ACAD10: variants seen among roughly 807,000 people sequenced by gnomAD.
The protein encoded by ACAD10 is ACAD-10.
Under a neutral mutation model 116.8 loss-of-function variants are expected in ACAD10, and 112 were observed. That is an observed-to-expected ratio of 0.96 (90% CI 0.82 to 1.12). The LOEUF is 1.12. ACAD10 is among the 50% of genes most tolerant of loss of function. ACAD10 has a pLI of 0.00. For missense variants in ACAD10, 1,259 were observed against 1,350.2 expected (o/e 0.93, Z 1.06); for synonymous variants, 486 against 510.6 (o/e 0.95, Z 0.65).
intron 8 of ACAD10, among the ~76,000 whole-genome samples, chr12:111,726,160 A>AGGAGAATCATTTGAACCT (rs1889208439): frequency 6.6e-6 from 1 of 152,150 alleles, no homozygotes; most frequent in South Asian, 2.1e-4. Context: ...AGGCTGAAGC[A>AGGAGAATCATTTGAACCT]GGAGAATCAT....
chr12:111,686,143 G>A lies in ACAD10; in HGVS notation c.-110G>A, dbSNP rs2135936665. On this transcript the variant is annotated 5_prime_UTR_variant, in exon 1 of 21. Coordinates refer to ENST00000313698, the MANE Select transcript of ACAD10 (RefSeq NM_025247.6). Reference sequence around the variant, plus strand: ...TGGGGTGCCACACTTAGGCTGAGCTGCAGGTTTTCGCACAGTCGCGAGTTA... The same window carrying A: ...TGGGGTGCCACACTTAGGCTGAGCTACAGGTTTTCGCACAGTCGCGAGTTA... 6.2e-6 allele frequency: 1 copy of A among 162,400 alleles called. No individual in the cohort carries two copies. Among genetic ancestry groups the A allele is most frequent in the Non-Finnish European group, 1.3e-5 (1 of 74,760 alleles). The allele number at this position is 162,400 out of a possible 1,614,324, so 10.1% of individuals were successfully genotyped here. A position where few individuals can be genotyped will look rare whatever the true frequency, so the allele number is the denominator to read the frequency against.
intron 12 of ACAD10, among the ~76,000 whole-genome samples, chr12:111,739,409 A>C (rs1889666484): frequency 6.6e-6 from 1 of 152,178 alleles, no homozygotes; most frequent in African/African-American, 2.4e-5. Flanking sequence ...AAACACTTAC[A>C]TTTCAAGGGG....
At chr12:111,725,729 T>G (rs1889194840) in intron 8 of ACAD10, among the ~76,000 whole-genome samples, 1 of 151,812 alleles carries the variant, frequency 6.6e-6, no homozygotes, top group African/African-American at 2.4e-5. Context: ...GAGACGGGGT[T>G]TCGCCTTGTT....
chr12:111,713,735 G>A (rs1426591924), intron 6 of ACAD10, among the ~76,000 whole-genome samples: 6 of 152,044 alleles, frequency 3.9e-5, no homozygotes, highest in African/African-American at 9.7e-5. Flanking sequence ...TCAGGAGTTC[G>A]AGGTCAGCCT....
rs1228094503 is a variant in ACAD10 at position 111,692,650 on chromosome 12, G to A, written c.-13-47G>A. 9 of 1,561,318 alleles carry A rather than the reference G, an allele frequency of 5.8e-6. No individual in the cohort carries two copies. In the African/African-American group the frequency reaches 1.1e-4, roughly 19 times the overall value. ...TGAGCTCCAGGATGGAGGCCTGGTT[G>A]GGAGGCAGTGCAGGCAAGTAACGCC... On this transcript the variant is annotated intron_variant, in intron 1 of 20. Coordinates refer to ENST00000313698, the MANE Select transcript of ACAD10 (RefSeq NM_025247.6).
chr12:111,697,938 C>CTT (rs1182061843), intron 2 of ACAD10, among the ~76,000 whole-genome samples: 6 of 126,426 alleles, frequency 4.7e-5, no homozygotes, highest in Non-Finnish European at 8.5e-5. Flanking sequence ...GAGGTTGCGC[C>CTT]TTTTTTTTTT....
At chr12:111,731,115 A>G (rs1889374639) in intron 10 of ACAD10, among the ~76,000 whole-genome samples, 1 of 152,010 alleles carries the variant, frequency 6.6e-6, no homozygotes. Context: ...TTGCCTTCCA[A>G]ATTTGATTGG....
chr12:111,690,119 C>T (rs1226685870), intron 1 of ACAD10, among the ~76,000 whole-genome samples: 3 of 152,166 alleles, frequency 2.0e-5, no homozygotes, highest in Non-Finnish European at 4.4e-5. Flanking sequence ...TCAAGATTTA[C>T]CACTTAAGAG....
intron 3 of ACAD10, among the ~76,000 whole-genome samples, chr12:111,702,658 G>T (rs954166706): frequency 6.6e-6 from 1 of 152,026 alleles, no homozygotes; most frequent in African/African-American, 2.4e-5. Flanking sequence ...TTGAACCTCA[G>T]GGGTGGAGGT....
chr12:111,709,698 AT>A lies in ACAD10; in HGVS notation c.690+19del. The A allele has an allele frequency of 6.3e-7, 1 of 1,599,348 alleles. No homozygotes were observed. Among genetic ancestry groups the A allele is most frequent in the South Asian group, 1.1e-5 (1 of 88,672 alleles). On this transcript the variant is annotated intron_variant, in intron 5 of 20. Coordinates refer to ENST00000313698, the MANE Select transcript of ACAD10 (RefSeq NM_025247.6). ...CACACCATTAAGGTAATAGTCACTAATTTTTGAACTCCCTCCCATGCACCAG... is the reference window on the plus strand; with the variant it reads ...CACACCATTAAGGTAATAGTCACTAATTTTGAACTCCCTCCCATGCACCAG...
At chr12:111,743,670 C>T (rs1482042434) in intron 12 of ACAD10, among the ~76,000 whole-genome samples, 1 of 151,566 alleles carries the variant, frequency 6.6e-6, no homozygotes. Context: ...TGGTAGTTAC[C>T]CAACTATGGA....
At position 111,734,402 on chromosome 12, in the gene ACAD10, T is replaced by G. The variant is rs933951103; in HGVS notation, c.1540+334T>G. 2.6e-5 allele frequency among the ~76,000 whole-genome samples: 4 copies of G among 152,138 alleles called. No homozygotes were observed. The East Asian group carries it at 7.7e-4, about 29-fold the overall frequency. Reference sequence around the variant, plus strand: ...CAGCACGTTGGGAGGCCAAGGCGGGTGGATCACAAGGTCAGGAGTTCCAGA... The same window carrying G: ...CAGCACGTTGGGAGGCCAAGGCGGGGGGATCACAAGGTCAGGAGTTCCAGA... On this transcript the variant is annotated intron_variant, in intron 11 of 20. Coordinates refer to ENST00000313698, the MANE Select transcript of ACAD10 (RefSeq NM_025247.6).
chr12:111,720,213 A>G (rs1888978511), intron 7 of ACAD10, among the ~76,000 whole-genome samples: 1 of 152,202 alleles, frequency 6.6e-6, no homozygotes, highest in African/African-American at 2.4e-5. Context: ...ATGGACCAGC[A>G]CATGACTTAT....
intron 17 of ACAD10, 110 bp from the exon 18 acceptor site, chr12:111,749,063 A>G (rs779972707): frequency 5.0e-6 from 8 of 1,613,182 alleles, no homozygotes; most frequent in Admixed American, 1.7e-5. Flanking sequence ...AGAAGGCTAA[A>G]TAAAGGGCAG....
chr12:111,706,225 C>T (rs774327312), intron 4 of ACAD10, among the ~76,000 whole-genome samples: 5 of 152,276 alleles, frequency 3.3e-5, no homozygotes, highest in South Asian at 2.1e-4. Flanking sequence ...GCCCTCATAT[C>T]GTAATGGATC....
chr12:111,708,602 G>C (rs1888579278), intron 4 of ACAD10, among the ~76,000 whole-genome samples: 2 of 152,086 alleles, frequency 1.3e-5, no homozygotes, highest in Admixed American at 6.6e-5. Flanking sequence ...GGTAGAGAGA[G>C]GGGCCACTGG....
intron 10 of ACAD10, among the ~76,000 whole-genome samples, chr12:111,732,005 C>T (rs1189068119): frequency 3.9e-5 from 6 of 152,002 alleles, no homozygotes; most frequent in Non-Finnish European, 8.8e-5. Flanking sequence ...CACTTGAACC[C>T]GGGAGGCAGA....
In ACAD10 at chr12:111,702,188, T is replaced by G. The variant is rs1888366085; in HGVS notation, c.214T>G (p.Ser72Ala). 1 of 1,613,966 alleles carries G rather than the reference T, an allele frequency of 6.2e-7. No homozygotes were observed. Among genetic ancestry groups the G allele is most frequent in the African/African-American group, 1.3e-5 (1 of 74,904 alleles). ...AEWEVQNRIPSGTILKALMEG... is the reference protein window; with the variant it reads ...AEWEVQNRIPAGTILKALMEG... ...ATGGGAGGTACAGAATCGTATCCCT[T>G]CTGGAACTATATTAAAGGCCTTGAT... Residue 72 changes from serine to alanine, a missense_variant, in exon 3 of 21, where the codon TCT (serine) becomes GCT (alanine). By Grantham distance (99) the Ser-to-Ala change is moderately conservative (BLOSUM62 1). Coordinates refer to ENST00000313698, the MANE Select transcript of ACAD10 (RefSeq NM_025247.6).
chr12:111,750,095 G>GTT (rs199931703), intron 18 of ACAD10, among the ~76,000 whole-genome samples: 29 of 132,226 alleles, frequency 2.2e-4, no homozygotes, highest in East Asian at 1.6e-3. Context: ...AGTTTTTTTT[G>GTT]TTTTTTTTTT....
Sources: gnomAD v4.1 joint callset for allele counts (sites outside exome capture counted in the v4.1 genomes callset) on GRCh38, gnomAD v4.1.1 for gene constraint, MANE v1.5 for transcripts, NCBI Gene and HGNC (gene_info 2026-07-23, HGNC 2026-07-21) for gene names.